ZNF385B: variants seen among roughly 807,000 people sequenced by gnomAD.
The protein encoded by ZNF385B is zinc finger protein 533.
Under a neutral mutation model 39.2 loss-of-function variants are expected in ZNF385B, and 23 were observed. The observed-to-expected ratio is 0.59, with a 90% confidence interval of 0.42 to 0.83. The LOEUF is 0.83. ZNF385B is among the 40% of genes least tolerant of loss of function. ZNF385B has a pLI of 0.00. For missense variants in ZNF385B, 552 were observed against 598.9 expected, an observed-to-expected ratio of 0.92 and a Z score of 0.82; for synonymous variants, 205 against 222.6, an observed-to-expected ratio of 0.92 and a Z score of 0.70.
intron 3 of ZNF385B, among the ~76,000 whole-genome samples, chr2:179,578,882 T>A (rs1478786743): frequency 6.6e-6 from 1 of 152,136 alleles, no homozygotes; most frequent in Non-Finnish European, 1.5e-5. Context: ...ACCTCCTCTA[T>A]GAAATCTGAA....
chr2:179,514,920 A>G (rs999839604), intron 5 of ZNF385B, among the ~76,000 whole-genome samples: 2 of 152,022 alleles, frequency 1.3e-5, no homozygotes. Context: ...CTGGGATTTC[A>G]GGTGTGCACA....
chr2:179,757,312 G>T (rs550276436), intron 3 of ZNF385B, among the ~76,000 whole-genome samples: 15 of 152,340 alleles, frequency 9.8e-5, no homozygotes, highest in African/African-American at 3.6e-4. Flanking sequence ...CTGCCTGATC[G>T]TTCCTCTGGA....
chr2:179,506,164 C>G (rs1389161959), intron 5 of ZNF385B, among the ~76,000 whole-genome samples: 1 of 152,094 alleles, frequency 6.6e-6, no homozygotes, highest in Non-Finnish European at 1.5e-5. Context: ...TTCAAGTTTG[C>G]AAACCTTGTG....
At chr2:179,447,453 T>A (rs1362018084) in intron 6 of ZNF385B, among the ~76,000 whole-genome samples, 1 of 152,178 alleles carries the variant, frequency 6.6e-6, no homozygotes, top group Admixed American at 6.5e-5. Context: ...TAAAGACATT[T>A]TGGCAGTTTG....
intron 1 of ZNF385B, among the ~76,000 whole-genome samples, chr2:179,859,816 C>A (rs543846191): frequency 1.1e-4 from 16 of 152,292 alleles, no homozygotes; most frequent in Non-Finnish European, 2.1e-4. Context: ...TTATCTGTTA[C>A]AGGGAAGGGG....
intron 5 of ZNF385B, among the ~76,000 whole-genome samples, chr2:179,504,594 T>C (rs2057079014): frequency 2.6e-5 from 4 of 151,998 alleles, no homozygotes; most frequent in South Asian, 2.1e-4. Flanking sequence ...TGGTATCTCA[T>C]AGTGGTTTTG....
At chr2:179,550,418 A>G (rs1435300441) in intron 3 of ZNF385B, among the ~76,000 whole-genome samples, 1 of 149,590 alleles carries the variant, frequency 6.7e-6, no homozygotes, top group African/African-American at 2.5e-5. Flanking sequence ...GGAATGCGCA[A>G]TGATCCCCCT....
chr2:179,450,299 A>G (rs985169774), intron 6 of ZNF385B, among the ~76,000 whole-genome samples: 27 of 152,308 alleles, frequency 1.8e-4, no homozygotes, highest in African/African-American at 6.0e-4. Flanking sequence ...AGAAACTACC[A>G]TCAGAGCGAA....
intron 3 of ZNF385B, among the ~76,000 whole-genome samples, chr2:179,598,976 A>G (rs2106096789): frequency 6.6e-6 from 1 of 152,318 alleles, no homozygotes; most frequent in South Asian, 2.1e-4. Flanking sequence ...TGTTTACAGT[A>G]AAAAGAAGAG....
At chr2:179,658,795 T>C (rs1306000996) in intron 3 of ZNF385B, among the ~76,000 whole-genome samples, 1 of 152,238 alleles carries the variant, frequency 6.6e-6, no homozygotes, top group Non-Finnish European at 1.5e-5. Context: ...TTATTTTTTT[T>C]TGAGATGGGG....
chr2:179,719,866 T>G (rs1700570452), intron 3 of ZNF385B, among the ~76,000 whole-genome samples: 1 of 152,184 alleles, frequency 6.6e-6, no homozygotes, highest in South Asian at 2.1e-4. Context: ...TAATTACCTG[T>G]GAATGTATTT....
intron 1 of ZNF385B, among the ~76,000 whole-genome samples, chr2:179,770,940 A>G (rs1703976991): frequency 6.6e-6 from 1 of 152,196 alleles, no homozygotes; most frequent in Non-Finnish European, 1.5e-5. Flanking sequence ...CAGGAATACC[A>G]GCATTTTCAA....
At chr2:179,828,334 C>T (rs1707790990) in intron 1 of ZNF385B, among the ~76,000 whole-genome samples, 1 of 152,130 alleles carries the variant, frequency 6.6e-6, no homozygotes, top group African/African-American at 2.4e-5. Context: ...CTACAAAGGA[C>T]AGCTAAACAA....
At chr2:179,644,957 T>A (rs1041590911) in intron 3 of ZNF385B, among the ~76,000 whole-genome samples, 14 of 152,354 alleles carry the variant, frequency 9.2e-5, no homozygotes, top group African/African-American at 3.1e-4. Context: ...ATAACCTGTT[T>A]TAAAAATGTA....
At chr2:179,489,727 A>G (rs2054994923) in intron 5 of ZNF385B, among the ~76,000 whole-genome samples, 1 of 152,216 alleles carries the variant, frequency 6.6e-6, no homozygotes, top group African/African-American at 2.4e-5. Flanking sequence ...CCCAAGAGAA[A>G]GGCTTACATA....
At chr2:179,765,544 T>A (rs192292793) in intron 3 of ZNF385B, among the ~76,000 whole-genome samples, 55 of 152,346 alleles carry the variant, frequency 3.6e-4, no homozygotes, top group Admixed American at 7.8e-4. Flanking sequence ...ATGCAGGAAC[T>A]GTGAGGTATT....
rs1191254470 is a variant in ZNF385B at position 179,493,582 on chromosome 2, TG to T, written c.553-10149del. Among the ~76,000 whole-genome samples the T allele has an allele frequency of 2.6e-5, 3 of 114,518 alleles. 1 individual carries two copies. Among genetic ancestry groups the T allele is most frequent in the Non-Finnish European group, 5.8e-5 (3 of 51,354 alleles). 75.1% of individuals were successfully genotyped at this position (114,518 alleles called of 152,430 possible). On this transcript the variant is annotated intron_variant, in intron 5 of 9. Transcript: ENST00000410066. ...ACATATATGCGTATACATATGTGTA[TG>T]TGTACATATATGCGTATACATATAT...
intron 5 of ZNF385B, 34 bp downstream of exon 5, chr2:179,518,493 CA>C: frequency 6.9e-7 from 1 of 1,452,140 alleles, no homozygotes; most frequent in Non-Finnish European, 9.5e-7. Context: ...TTAGCTCTGA[CA>C]AACTACAGAG....
intron 4 of ZNF385B, among the ~76,000 whole-genome samples, chr2:179,526,614 A>G (rs2058919590): frequency 1.3e-5 from 2 of 148,550 alleles, no homozygotes; most frequent in African/African-American, 5.1e-5. Flanking sequence ...AAGAGAAATA[A>G]AGAAAAAAAA....
Sources: allele counts gnomAD v4.1 joint callset (sites outside exome capture counted in the v4.1 genomes callset), GRCh38; gene constraint gnomAD v4.1.1; transcripts MANE v1.5; gene names NCBI Gene and HGNC (gene_info 2026-07-23, HGNC 2026-07-21).